The following ARHGAP24 variants were observed in gnomAD, a reference collection of about 807,000 sequenced individuals.
ARHGAP24 encodes Rho GTPase activating protein 24.
ARHGAP24 carries 50 observed loss-of-function variants against 76.4 expected under a neutral mutation model. The observed-to-expected ratio is 0.65, with a 90% CI of 0.52 to 0.83. ARHGAP24 has a LOEUF of 0.83. Among genes scored for constraint, ARHGAP24 ranks in the 40% least tolerant of loss-of-function variants. The pLI is 0.00. For missense variants in ARHGAP24, 930 were observed against 914.2 expected, an observed-to-expected ratio of 1.02 and a Z score of -0.22; for synonymous variants, 345 against 323.3, an observed-to-expected ratio of 1.07 and a Z score of -0.72.
At chr4:85,842,632 C>A (rs1730663203) in intron 3 of ARHGAP24, among the ~76,000 whole-genome samples, 1 of 152,122 alleles carries the variant, frequency 6.6e-6, no homozygotes, top group African/African-American at 2.4e-5. Flanking sequence ...AGAGAACTGG[C>A]AGGGCACATT....
intron 1 of ARHGAP24, among the ~76,000 whole-genome samples, chr4:85,513,349 G>A (rs1724356501): frequency 6.6e-6 from 1 of 152,170 alleles, no homozygotes; most frequent in South Asian, 2.1e-4. Context: ...CGCTTTTGCT[G>A]CCATGTTTGT....
chr4:85,551,516 CT>C lies in ARHGAP24; in HGVS notation c.-20-19005del, dbSNP rs148043967. On this transcript the variant is annotated intron_variant, in intron 1 of 9. Coordinates refer to ENST00000395184, the MANE Select transcript of ARHGAP24 (RefSeq NM_001025616.3). Reference sequence around the variant, plus strand: ...TTTTGTTGTTGTTGTTGTATGTCTCCTGGGTTTTGGTATCAGAATGATGCTG... The same window carrying C: ...TTTTGTTGTTGTTGTTGTATGTCTCCGGGTTTTGGTATCAGAATGATGCTG... 4.2e-3 allele frequency among the ~76,000 whole-genome samples: 643 copies of C among 152,068 alleles called. 33 individuals carry two copies. The East Asian group carries it at 0.11, about 26-fold the overall frequency.
intron 3 of ARHGAP24, among the ~76,000 whole-genome samples, chr4:85,907,847 G>A (rs1734856389): frequency 6.6e-6 from 1 of 152,086 alleles, no homozygotes; most frequent in African/African-American, 2.4e-5. Context: ...TACTCTTCCT[G>A]TATTGCGGAT....
At chr4:85,706,920 T>A (rs1033521361) in intron 2 of ARHGAP24, among the ~76,000 whole-genome samples, 6 of 152,020 alleles carry the variant, frequency 3.9e-5, no homozygotes, top group Admixed American at 6.6e-5. Context: ...TTATAGTGGA[T>A]TTGTTGTTGT....
At chr4:85,487,360 A>T (rs1578180317) in intron 1 of ARHGAP24, among the ~76,000 whole-genome samples, 1 of 113,392 alleles carries the variant, frequency 8.8e-6, no homozygotes, top group African/African-American at 3.8e-5. Flanking sequence ...AATATATATA[A>T]ATATATAAAT....
intron 2 of ARHGAP24, among the ~76,000 whole-genome samples, chr4:85,576,429 CAAAAA>C: frequency 1.6e-5 from 2 of 124,424 alleles, no homozygotes; most frequent in South Asian, 2.6e-4. Context: ...GACTCCATCT[CAAAAA>C]AAAAAAAAAG....
chr4:85,518,484 C>A (rs927359970), intron 1 of ARHGAP24, among the ~76,000 whole-genome samples: 2 of 152,054 alleles, frequency 1.3e-5, no homozygotes, highest in Non-Finnish European at 2.9e-5. Context: ...GTATACACTG[C>A]ACCATATTTG....
chr4:85,828,117 C>G (rs1729809519), intron 3 of ARHGAP24: 2 of 570,334 alleles, frequency 3.5e-6, no homozygotes, highest in Non-Finnish European at 3.0e-6. Flanking sequence ...CCCTTGTTTT[C>G]TGTCATGATC....
chr4:85,645,976 T>C (rs940415089), intron 2 of ARHGAP24, among the ~76,000 whole-genome samples: 1 of 152,044 alleles, frequency 6.6e-6, no homozygotes, highest in Non-Finnish European at 1.5e-5. Context: ...TTCAAAGACT[T>C]CCATTTAGGT....
intron 2 of ARHGAP24, among the ~76,000 whole-genome samples, chr4:85,633,813 C>T (rs1171139460): frequency 6.6e-6 from 1 of 151,842 alleles, no homozygotes; most frequent in Non-Finnish European, 1.5e-5. Flanking sequence ...TTTCTCCTCT[C>T]TAAAGTTAAG....
intron 5 of ARHGAP24, among the ~76,000 whole-genome samples, chr4:85,948,175 C>T (rs1026345643): frequency 6.6e-6 from 1 of 152,018 alleles, no homozygotes; most frequent in Non-Finnish European, 1.5e-5. Context: ...AAAAGAAAAT[C>T]AGATCAATAG....
chr4:85,685,296 G>C (rs902234714), intron 2 of ARHGAP24, among the ~76,000 whole-genome samples: 1 of 152,012 alleles, frequency 6.6e-6, no homozygotes, highest in Non-Finnish European at 1.5e-5. Flanking sequence ...CTTTCCTCTG[G>C]CCTCTAATTT....
chr4:85,618,317 C>A (rs1014799034), intron 2 of ARHGAP24, among the ~76,000 whole-genome samples: 1 of 152,146 alleles, frequency 6.6e-6, no homozygotes, highest in Non-Finnish European at 1.5e-5. Context: ...CATTAGTTCT[C>A]TCTTTTTAAA....
Position 85,502,680 on chromosome 4 carries a change from C to T in ARHGAP24, c.-21+27121C>T, listed in dbSNP as rs958114726. ...TCATCTCCATACAGGGACAATTTGA[C>T]TTCCTCTTTTCCTAATTGAATACCC... On this transcript the variant is annotated intron_variant, in intron 1 of 9. Transcript: ENST00000395184. Among the ~76,000 whole-genome samples, 11 of 152,290 alleles carry T rather than the reference C, an allele frequency of 7.2e-5. No individual in the cohort carries two copies. The East Asian group carries it at 1.9e-3, about 27-fold the overall frequency.
chr4:85,530,474 C>T (rs1725213637), intron 1 of ARHGAP24, among the ~76,000 whole-genome samples: 1 of 152,006 alleles, frequency 6.6e-6, no homozygotes, highest in African/African-American at 2.4e-5. Context: ...CACCATGCCT[C>T]AGTGCTCTCT....
At chr4:85,836,817 A>C (rs752067337) in intron 3 of ARHGAP24, among the ~76,000 whole-genome samples, 3 of 152,232 alleles carry the variant, frequency 2.0e-5, no homozygotes, top group Admixed American at 1.3e-4. Flanking sequence ...GTATCCTGTC[A>C]GCGCTGGTAA....
chr4:85,636,080 A>T (rs1721297966), intron 2 of ARHGAP24, among the ~76,000 whole-genome samples: 2 of 151,766 alleles, frequency 1.3e-5, no homozygotes, highest in South Asian at 4.1e-4. Context: ...CTTTAAGTAG[A>T]TTCTGTAGGT....
intron 2 of ARHGAP24, among the ~76,000 whole-genome samples, chr4:85,662,897 AC>A: frequency 6.6e-6 from 1 of 152,198 alleles, no homozygotes; most frequent in South Asian, 2.1e-4. Context: ...AGGTACCAGT[AC>A]CATGCTGTTT....
intron 2 of ARHGAP24, among the ~76,000 whole-genome samples, chr4:85,581,653 C>A (rs1578053335): frequency 6.6e-6 from 1 of 152,212 alleles, no homozygotes; most frequent in East Asian, 1.9e-4. Context: ...CCAGGGAAGG[C>A]AGAAAACATT....
Sources: allele counts gnomAD v4.1 joint callset (sites outside exome capture counted in the v4.1 genomes callset), GRCh38; gene constraint gnomAD v4.1.1; transcripts MANE v1.5; gene names NCBI Gene and HGNC (gene_info 2026-07-23, HGNC 2026-07-21).